PDE4D: variants seen among roughly 807,000 people sequenced by gnomAD.
PDE4D encodes phosphodiesterase 4D.
In PDE4D, 24 loss-of-function variants were observed where a neutral mutation model predicts 87.4. The ratio of observed to expected loss-of-function variants is 0.27; its 90% CI spans 0.20 to 0.39. The LOEUF (loss-of-function observed/expected upper bound fraction) is 0.39. Ranked by LOEUF, PDE4D falls within the 10% of genes least tolerant of loss-of-function variation. The pLI is 1.00. For missense variants in PDE4D, 714 were observed against 1,041.0 expected, an observed-to-expected ratio of 0.69 and a Z score of 4.32; for synonymous variants, 384 against 383.2, an observed-to-expected ratio of 1.00 and a Z score of -0.02.
At chr5:59,697,091 G>C (rs1486601700) in intron 1 of PDE4D, among the ~76,000 whole-genome samples, 1 of 152,156 alleles carries the variant, frequency 6.6e-6, no homozygotes, top group Non-Finnish European at 1.5e-5. Context: ...GGATGAGAAA[G>C]TTGAATAAGA....
At chr5:59,694,176 GAAACA>G (rs1397525547) in intron 1 of PDE4D, among the ~76,000 whole-genome samples, 1 of 152,124 alleles carries the variant, frequency 6.6e-6, no homozygotes, top group Non-Finnish European at 1.5e-5. Context: ...CAAACGAAAT[GAAACA>G]AAACAAAACT....
intron 1 of PDE4D, among the ~76,000 whole-genome samples, chr5:60,461,548 A>C (rs1247798617): frequency 2.6e-5 from 4 of 152,252 alleles, no homozygotes; most frequent in Non-Finnish European, 4.4e-5. Context: ...TGGGAATTAT[A>C]AAATATTTGA....
intron 2 of PDE4D, among the ~76,000 whole-genome samples, chr5:60,121,196 GAT>G (rs111720124): frequency 8.8e-5 from 13 of 148,416 alleles, no homozygotes; most frequent in East Asian, 2.0e-4. Flanking sequence ...ATATATAGGA[GAT>G]ATATATATAT....
Position 60,486,219 on chromosome 5 carries a change from A to G in PDE4D, c.-90+1723T>C, listed in dbSNP as rs2150226871. On this transcript the variant is annotated intron_variant, in intron 1 of 16. Coordinates refer to the PDE4D transcript ENST00000502484. ...TGAGGGATGGGATTATATTTATTTT[A>G]TAGATGCACTCCTTTCTCCCACTAA... 1.3e-5 allele frequency among the ~76,000 whole-genome samples: 2 copies of G among 152,272 alleles called. 1 individual carries two copies. The highest frequency in any genetic ancestry group is 4.1e-4 in the South Asian group (2 of 4,820).
intron 1 of PDE4D, among the ~76,000 whole-genome samples, chr5:59,574,345 T>A (rs576752560): frequency 7.2e-4 from 109 of 151,150 alleles, no homozygotes; most frequent in Non-Finnish European, 1.4e-3. Context: ...GTTATGCACA[T>A]ATAACTTTGT....
intron 1 of PDE4D, among the ~76,000 whole-genome samples, chr5:59,595,305 C>T (rs1441270141): frequency 6.6e-6 from 1 of 151,978 alleles, no homozygotes; most frequent in East Asian, 1.9e-4. Context: ...TTTAAAGTTT[C>T]TTTTTAAAGA....
At chr5:60,276,493 AG>A (rs1487562960) in intron 1 of PDE4D, among the ~76,000 whole-genome samples, 1 of 151,864 alleles carries the variant, frequency 6.6e-6, no homozygotes, top group Admixed American at 6.5e-5. Context: ...TGTAAGTAGC[AG>A]AGTCTCAGCC....
At chr5:59,546,840 G>A (rs1305839544) in intron 1 of PDE4D, among the ~76,000 whole-genome samples, 1 of 152,148 alleles carries the variant, frequency 6.6e-6, no homozygotes, top group Non-Finnish European at 1.5e-5. Context: ...GGATATCTCA[G>A]TATGTAGTAA....
chr5:59,014,101 T>C (rs552024469), intron 6 of PDE4D, among the ~76,000 whole-genome samples: 4 of 152,278 alleles, frequency 2.6e-5, no homozygotes, highest in Non-Finnish European at 5.9e-5. Context: ...CAACAGGACT[T>C]CATGCTAAAA....
At chr5:59,501,036 T>C (rs1487528043) in intron 1 of PDE4D, among the ~76,000 whole-genome samples, 1 of 152,200 alleles carries the variant, frequency 6.6e-6, no homozygotes, top group Non-Finnish European at 1.5e-5. Context: ...CACTTTTGAA[T>C]CTCTTATACT....
intron 1 of PDE4D, among the ~76,000 whole-genome samples, chr5:59,346,300 C>A (rs1367605535): frequency 6.6e-6 from 1 of 151,992 alleles, no homozygotes; most frequent in Non-Finnish European, 1.5e-5. Flanking sequence ...ATTTTTTTCT[C>A]TCTTACTGGC....
intron 1 of PDE4D, among the ~76,000 whole-genome samples, chr5:59,225,447 T>C (rs1390091264): frequency 6.6e-6 from 1 of 152,170 alleles, no homozygotes; most frequent in East Asian, 1.9e-4. Flanking sequence ...GATCTCCAGA[T>C]ATTTTGTTCT....
chr5:60,000,377 T>C (rs1247353281), intron 2 of PDE4D, among the ~76,000 whole-genome samples: 3 of 152,198 alleles, frequency 2.0e-5, no homozygotes, highest in Non-Finnish European at 2.9e-5. Context: ...TCAATGACAT[T>C]AGCAGATTTC....
At chr5:60,275,461 A>C (rs992426370) in intron 1 of PDE4D, among the ~76,000 whole-genome samples, 1 of 152,174 alleles carries the variant, frequency 6.6e-6, no homozygotes, top group African/African-American at 2.4e-5. Context: ...TATGATTGGA[A>C]AAAAGGTCAC....
intron 1 of PDE4D, among the ~76,000 whole-genome samples, chr5:59,836,618 G>C (rs1032859076): frequency 7.8e-5 from 11 of 140,480 alleles, no homozygotes; most frequent in Admixed American, 6.2e-4. Context: ...CTTCCAAGAT[G>C]TATCTATCTA....
chr5:59,689,677 T>C (rs759334255), intron 1 of PDE4D, among the ~76,000 whole-genome samples: 5 of 152,110 alleles, frequency 3.3e-5, no homozygotes, highest in Admixed American at 6.6e-5. Context: ...GGGATGCCCT[T>C]TCTCACCACT....
chr5:58,998,492 T>A (rs13355884), intron 6 of PDE4D, among the ~76,000 whole-genome samples: 15,330 of 152,194 alleles, frequency 0.1, 1,033 homozygotes, highest in Non-Finnish European at 0.13. Flanking sequence ...CTATATATTT[T>A]AAAAACATTT....
chr5:60,497,772 C>A (rs1393090177), intron 1 of PDE4D, among the ~76,000 whole-genome samples: 1 of 152,064 alleles, frequency 6.6e-6, no homozygotes, highest in Non-Finnish European at 1.5e-5. Context: ...AATCTGACTC[C>A]AAAATTAATT....
chr5:59,296,145 C>G (rs963445532), intron 1 of PDE4D, among the ~76,000 whole-genome samples: 3 of 151,984 alleles, frequency 2.0e-5, no homozygotes, highest in Non-Finnish European at 2.9e-5. Context: ...TTCCTTTTAG[C>G]CATTGTTTGG....
Sources: gnomAD v4.1 joint callset for allele counts (sites outside exome capture counted in the v4.1 genomes callset) on GRCh38, gnomAD v4.1.1 for gene constraint, MANE v1.5 for transcripts, NCBI Gene and HGNC (gene_info 2026-07-23, HGNC 2026-07-21) for gene names.